The following SRRM3 variants were observed in gnomAD, a reference collection of about 807,000 sequenced individuals.
The protein encoded by SRRM3 is serine/arginine repetitive matrix protein 3.
A neutral mutation model predicts 66.2 loss-of-function variants in SRRM3; 27 were observed. That is an observed-to-expected ratio of 0.41 (90% confidence interval 0.30 to 0.56). The LOEUF is 0.56. Among genes scored for constraint, SRRM3 ranks in the 20% least tolerant of loss-of-function variants. The pLI, the probability that SRRM3 is intolerant of heterozygous loss-of-function variation, is 0.32. For missense variants in SRRM3, 918 were observed against 991.9 expected, an observed-to-expected ratio of 0.93 and a Z score of 1.00; for synonymous variants, 391 against 414.9, an observed-to-expected ratio of 0.94 and a Z score of 0.70.
chr7:76,283,076 T>C lies in SRRM3; in HGVS notation c.1708T>C (p.Phe570Leu). ...IRKRRRDSPS[F>L]MEPRRITSAR... is the part of the protein sequence containing the mutation. ...CAAGCGGCGCCGGGACTCGCCAAGC[T>C]TCATGGAGCCGCGGCGCATCACCAG... The change falls in exon 14 of 15, where the codon TTC becomes CTC. Residue 570 changes from phenylalanine (F) to leucine (L), a missense_variant. Phe to Leu is a conservative substitution (Grantham distance 22, BLOSUM62 0). Coordinates refer to ENST00000611745, the MANE Select transcript of SRRM3 (RefSeq NM_001110199.3). 6.8e-7 allele frequency: 1 copy of C among 1,467,488 alleles called. No homozygotes were observed. The highest frequency in any genetic ancestry group is 1.4e-5 in the South Asian group (1 of 73,094). The allele number at this position is 1,467,488 out of a possible 1,614,324, so 90.9% of individuals were successfully genotyped here.
intron 3 of SRRM3, among the ~76,000 whole-genome samples, chr7:76,258,544 C>T (rs1170775965): frequency 1.3e-5 from 2 of 150,850 alleles, no homozygotes; most frequent in Non-Finnish European, 1.5e-5. Flanking sequence ...GAAACCCCGT[C>T]TCTACTAAAA....
intron 10 of SRRM3, among the ~76,000 whole-genome samples, chr7:76,265,892 G>T: frequency 5.2e-5 from 1 of 19,230 alleles, no homozygotes; most frequent in Non-Finnish European, 6.6e-5. Context: ...TTTTTGAGAC[G>T]GAGTCTCGCT....
intron 11 of SRRM3, among the ~76,000 whole-genome samples, chr7:76,277,987 T>A (rs1290045166): frequency 6.6e-6 from 1 of 152,220 alleles, no homozygotes; most frequent in Non-Finnish European, 1.5e-5. Context: ...TTGCACTCTT[T>A]GACGACCCAG....
At chr7:76,210,159 C>T (rs917304428) in intron 1 of SRRM3, among the ~76,000 whole-genome samples, 3 of 152,164 alleles carry the variant, frequency 2.0e-5, no homozygotes, top group Admixed American at 2.0e-4. Flanking sequence ...GGGCAACCTG[C>T]CCCCTACACC....
At chr7:76,263,999 G>T (rs982342322) in intron 8 of SRRM3, among the ~76,000 whole-genome samples, 6 of 151,508 alleles carry the variant, frequency 4.0e-5, no homozygotes, top group Non-Finnish European at 8.8e-5. Context: ...ACGGAGGAAG[G>T]GGGCACAGGA....
At chr7:76,276,511 G>T (rs957188016) in intron 11 of SRRM3, among the ~76,000 whole-genome samples, 1 of 152,158 alleles carries the variant, frequency 6.6e-6, no homozygotes, top group Non-Finnish European at 1.5e-5. Flanking sequence ...TGGAAAAGGC[G>T]CCCTGGAGCT....
At chr7:76,279,211 A>C (rs1391751072) in intron 11 of SRRM3, among the ~76,000 whole-genome samples, 1 of 151,990 alleles carries the variant, frequency 6.6e-6, no homozygotes, top group Non-Finnish European at 1.5e-5. Flanking sequence ...GTGAGCCCAG[A>C]TCACGCCAGT....
At chr7:76,220,464 G>A (rs1298945789) in intron 1 of SRRM3, among the ~76,000 whole-genome samples, 3 of 152,162 alleles carry the variant, frequency 2.0e-5, no homozygotes, top group Non-Finnish European at 4.4e-5. Flanking sequence ...GCGTAGGACT[G>A]GGCACATTGC....
At position 76,267,385 on chromosome 7, in the gene SRRM3, C is replaced by T; in HGVS notation, c.958C>T (p.Arg320Trp). 17 of 1,420,272 alleles carry T rather than the reference C, an allele frequency of 1.2e-5. No individual in the cohort carries two copies. The highest frequency in any genetic ancestry group is 1.6e-5 in the Non-Finnish European group (17 of 1,093,200). The allele number at this position is 1,420,272 out of a possible 1,614,324, so 88.0% of individuals were successfully genotyped here. ...CCAGCGGAACGGCGGCAGCGGGCAG[C>T]GGAGCGGAGCGCACGGGGGCCGCCC... The part of the protein sequence containing the change: ...SPQRNGGSGQ[R>W]SGAHGGRPGS... Residue 320 changes from arginine to tryptophan, a missense_variant, in exon 11 of 15, where the codon CGG (arginine) becomes TGG (tryptophan). Coordinates refer to ENST00000611745, the MANE Select transcript of SRRM3 (RefSeq NM_001110199.3).
intron 1 of SRRM3, among the ~76,000 whole-genome samples, chr7:76,207,268 C>T (rs1800324536): frequency 6.6e-6 from 1 of 152,070 alleles, no homozygotes; most frequent in Non-Finnish European, 1.5e-5. Flanking sequence ...CACAACTACA[C>T]TCCAGCCTGG....
chr7:76,232,295 G>A (rs1801035007), intron 1 of SRRM3, among the ~76,000 whole-genome samples: 2 of 152,068 alleles, frequency 1.3e-5, no homozygotes, highest in Admixed American at 6.6e-5. Context: ...CACTTTGGGA[G>A]GGCAGATCGC....
Position 76,227,221 on chromosome 7 carries a change from C to G in SRRM3, c.-39-7807C>G, listed in dbSNP as rs192536633. On this transcript the variant is annotated intron_variant, in intron 1 of 14. Coordinates refer to ENST00000611745, the MANE Select transcript of SRRM3 (RefSeq NM_001110199.3). The stretch of plus-strand genomic sequence containing the variant: ...CCAATCAGTGGTAGGGTAAAGACTT[C>G]CCATGTGCTGCTCTGCCTCCAAAGA... Among the ~76,000 whole-genome samples, 4 of 152,106 alleles carry G rather than the reference C, an allele frequency of 2.6e-5. No individual in the cohort carries two copies. In the East Asian group the frequency reaches 7.8e-4, roughly 29 times the overall value.
intron 1 of SRRM3, among the ~76,000 whole-genome samples, chr7:76,224,531 A>G (rs985980590): frequency 2.6e-5 from 4 of 152,200 alleles, no homozygotes; most frequent in Admixed American, 6.5e-5. Flanking sequence ...GAATCTCTTC[A>G]TAACAAGCCT....
At chr7:76,215,551 A>G in intron 1 of SRRM3, among the ~76,000 whole-genome samples, 1 of 150,718 alleles carries the variant, frequency 6.6e-6, no homozygotes, top group Admixed American at 6.6e-5. Context: ...ACAGGCGTGC[A>G]CTACTACACT....
At chr7:76,233,796 C>G (rs571564064) in intron 1 of SRRM3, among the ~76,000 whole-genome samples, 2 of 152,228 alleles carry the variant, frequency 1.3e-5, no homozygotes, top group East Asian at 3.9e-4. Context: ...ACTTGGGACT[C>G]AGGGGGAAGG....
chr7:76,224,566 A>G (rs1471757847), intron 1 of SRRM3, among the ~76,000 whole-genome samples: 1 of 152,102 alleles, frequency 6.6e-6, no homozygotes, highest in Non-Finnish European at 1.5e-5. Context: ...GGATGAATGA[A>G]TGATCCCACT....
At chr7:76,249,705 C>T (rs1801525969) in intron 3 of SRRM3, among the ~76,000 whole-genome samples, 3 of 152,178 alleles carry the variant, frequency 2.0e-5, no homozygotes, top group South Asian at 4.1e-4. Flanking sequence ...TCCCCTTGTT[C>T]ACCCTCAGTT....
chr7:76,227,562 CAGCCTTGCTGGG>C (rs1250179779), intron 1 of SRRM3, among the ~76,000 whole-genome samples: 1 of 152,244 alleles, frequency 6.6e-6, no homozygotes, highest in Non-Finnish European at 1.5e-5. Context: ...TGCTCCCTCC[CAGCCTTGCTGGG>C]AAGCCTGCCT....
intron 1 of SRRM3, among the ~76,000 whole-genome samples, chr7:76,205,952 T>A (rs1800291216): frequency 6.6e-6 from 1 of 152,192 alleles, no homozygotes; most frequent in South Asian, 2.1e-4. Flanking sequence ...CAGAGATATG[T>A]TTAAATCTTG....
Sources: gnomAD v4.1 joint callset for allele counts (sites outside exome capture counted in the v4.1 genomes callset) on GRCh38, gnomAD v4.1.1 for gene constraint, MANE v1.5 for transcripts, NCBI Gene and HGNC (gene_info 2026-07-23, HGNC 2026-07-21) for gene names.